The following RGS22 variants were observed in gnomAD, a reference collection of about 807,000 sequenced individuals.
RGS22 encodes the protein regulator of G-protein signaling 22.
In RGS22, 148 loss-of-function variants were observed where a neutral mutation model predicts 172.9. The observed-to-expected ratio is 0.86, with a 90% confidence interval of 0.75 to 0.98. The LOEUF (loss-of-function observed/expected upper bound fraction) is 0.98. RGS22 is among the 50% of genes least tolerant of loss of function. RGS22 has a pLI of 0.00. For synonymous variants in RGS22, 458 were observed against 480.2 expected, an observed-to-expected ratio of 0.95 and a Z score of 0.60; for missense variants, 1,347 against 1,440.8, an observed-to-expected ratio of 0.93 and a Z score of 1.05.
chr8:100,084,246 ACT>A (rs1242705408), intron 3 of RGS22, among the ~76,000 whole-genome samples: 1 of 151,804 alleles, frequency 6.6e-6, no homozygotes, highest in East Asian at 1.9e-4. Context: ...TATTTCTCAG[ACT>A]CCCTACAGCT....
intron 3 of RGS22, among the ~76,000 whole-genome samples, chr8:100,084,376 G>T (rs1234650331): frequency 1.3e-5 from 2 of 152,194 alleles, no homozygotes; most frequent in Non-Finnish European, 2.9e-5. Flanking sequence ...GAAAGTGTAT[G>T]TAAGCATGAA....
At chr8:100,018,201 G>A (rs927268652) in intron 14 of RGS22, among the ~76,000 whole-genome samples, 19 of 134,992 alleles carry the variant, frequency 1.4e-4, no homozygotes, top group Non-Finnish European at 2.8e-4. Flanking sequence ...TCACTTTCTT[G>A]GCATCTGTAT....
chr8:100,048,503 T>C (rs1820960248), intron 10 of RGS22, among the ~76,000 whole-genome samples: 1 of 152,134 alleles, frequency 6.6e-6, no homozygotes, highest in South Asian at 2.1e-4. Flanking sequence ...TAGAATACTA[T>C]ATACATTGCA....
intron 11 of RGS22, 94 bp from the exon 12 acceptor site, chr8:100,042,010 T>G: frequency 1.5e-6 from 1 of 678,444 alleles, no homozygotes; most frequent in Non-Finnish European, 2.6e-6. Flanking sequence ...TAGCACCGAA[T>G]CTCAAGAGTA....
At chr8:100,049,873 C>A (rs578137234) in intron 10 of RGS22, among the ~76,000 whole-genome samples, 1 of 151,832 alleles carries the variant, frequency 6.6e-6, no homozygotes, top group Non-Finnish European at 1.5e-5. Context: ...ATGGTGAAAT[C>A]CCATCTCTAC....
rs80315256 is a variant in RGS22, at chr8:100,036,957, A to C, written c.2166+1974T>G. On this transcript the variant is annotated intron_variant, in intron 14 of 27. Transcript: ENST00000360863. ...TTGTGCCATTGGCATTATCAATCCA[A>C]CGATCTAAATTGAAAATTTACCCCT... 6.1e-3 allele frequency among the ~76,000 whole-genome samples: 929 copies of C among 152,286 alleles called. 9 individuals carry two copies. The highest frequency in any genetic ancestry group is 0.037 in the Middle Eastern group (11 of 294).
chr8:99,961,475 T>C (rs1295392021), intron 27 of RGS22, among the ~76,000 whole-genome samples: 1 of 152,176 alleles, frequency 6.6e-6, no homozygotes, highest in East Asian at 1.9e-4. Flanking sequence ...CTTTTCCCCC[T>C]TTTGCTTGGC....
chr8:99,979,963 G>A (rs1254575515), intron 22 of RGS22, among the ~76,000 whole-genome samples: 1 of 152,186 alleles, frequency 6.6e-6, no homozygotes, highest in Non-Finnish European at 1.5e-5. Flanking sequence ...AGCAGTAAGG[G>A]CCACTTATGA....
intron 20 of RGS22, among the ~76,000 whole-genome samples, chr8:99,989,068 T>C (rs1199156761): frequency 6.6e-6 from 1 of 152,054 alleles, no homozygotes; most frequent in East Asian, 1.9e-4. Flanking sequence ...TTCCATTCTA[T>C]GTAATTTTCA....
At chr8:100,049,910 G>C (rs10099237) in intron 10 of RGS22, among the ~76,000 whole-genome samples, 33,276 of 151,832 alleles carry the variant, frequency 0.22, 4,272 homozygotes, top group African/African-American at 0.36. Context: ...TTAGCCAGGC[G>C]TGGTGGTGGG....
rs368568690 is a variant in RGS22, at chr8:100,105,391, T to C, written c.37A>G (p.Ile13Val). The part of the protein sequence containing the change: ...EKRLTAEPPT[I>V]TEEEFEDSLA... Reference sequence around the variant, plus strand: ...ATACTTACAAATTCTTCTTCTGTAATAGTTGGTGGCTCTGAAACAAGACAA... The same window carrying C: ...ATACTTACAAATTCTTCTTCTGTAACAGTTGGTGGCTCTGAAACAAGACAA... The change falls in exon 2 of 28, where the codon ATT (isoleucine) becomes GTT (valine). Residue 13 changes from isoleucine (I) to valine (V), a missense_variant. Physicochemically the swap from Ile to Val is conservative, Grantham distance 29. Coordinates refer to ENST00000360863, the MANE Select transcript of RGS22 (RefSeq NM_015668.5). 1.4e-5 allele frequency: 22 copies of C among 1,609,770 alleles called. No homozygotes were observed. Among genetic ancestry groups the C allele is most frequent in the Non-Finnish European group, 1.9e-5 (22 of 1,176,586 alleles).
chr8:99,977,971 T>A lies in RGS22; in HGVS notation c.3465A>T (p.Glu1155Asp). The change falls in exon 23 of 28, where the codon GAA becomes GAT. Residue 1155 changes from glutamate to aspartate, a missense_variant. Glu to Asp is a conservative substitution (Grantham distance 45). Coordinates refer to ENST00000360863, the MANE Select transcript of RGS22 (RefSeq NM_015668.5). ...NIMSVLERRQ[E>D]YNKQKKKLAV... ...CCAATTTTTTTTTCTGCTTATTATA[T>A]TCTTGTCTTCTCTCTAAAACACTCA... 1 of 1,564,448 alleles carries A rather than the reference T, an allele frequency of 6.4e-7. No homozygotes were observed. The highest frequency in any genetic ancestry group is 8.6e-7 in the Non-Finnish European group (1 of 1,163,252).
chr8:99,977,938 T>C lies in RGS22; in HGVS notation c.3498A>G (p.Leu1166=). 1.3e-6 allele frequency: 2 copies of C among 1,566,726 alleles called. No homozygotes were observed. Among genetic ancestry groups the C allele is most frequent in the South Asian group, 1.2e-5 (1 of 80,562 alleles). Residue 1166 remains leucine, a synonymous_variant, in exon 23 of 28, where the codon CTA becomes CTG. Coordinates refer to ENST00000360863, the MANE Select transcript of RGS22 (RefSeq NM_015668.5). ...YNKQKKKLAV[L]EDEKSGKDGI... Reference sequence around the variant, plus strand: ...TCACCTTTCCAGATTTTTCGTCTTCTAGGACTGCCAATTTTTTTTTCTGCT... The same window carrying C: ...TCACCTTTCCAGATTTTTCGTCTTCCAGGACTGCCAATTTTTTTTTCTGCT...
At chr8:100,035,541 G>T (rs1259389220) in intron 14 of RGS22, among the ~76,000 whole-genome samples, 1 of 152,168 alleles carries the variant, frequency 6.6e-6, no homozygotes, top group Non-Finnish European at 1.5e-5. Flanking sequence ...CCTTGTGGGG[G>T]ACAGTGTGGC....
rs112361121 is a variant in RGS22 at position 100,064,923 on chromosome 8, C to T, written c.725-880G>A. ...CTATCATTAAACTTACAAAATGGCA[C>T]GAGATACTTATGAAGGTTTACAAAG... On this transcript the variant is annotated intron_variant, in intron 7 of 27. Transcript: ENST00000360863. Among the ~76,000 whole-genome samples the T allele has an allele frequency of 5.7e-3, 862 of 152,198 alleles. 6 individuals are homozygous for T. Among genetic ancestry groups the T allele is most frequent in the African/African-American group, 0.018 (751 of 41,528 alleles).
At chr8:100,098,579 T>A (rs1247472775) in intron 2 of RGS22, among the ~76,000 whole-genome samples, 1 of 152,184 alleles carries the variant, frequency 6.6e-6, no homozygotes, top group Non-Finnish European at 1.5e-5. Context: ...GTTCATGCAA[T>A]GAGGAGCAAA....
rs771043124 is a variant in RGS22 at position 100,062,627 on chromosome 8, A to T, written c.1478T>A (p.Ile493Asn). 1 of 1,605,122 alleles carries T rather than the reference A, an allele frequency of 6.2e-7. No homozygotes were observed. Among genetic ancestry groups the T allele is most frequent in the East Asian group, 2.2e-5 (1 of 44,536 alleles). The change falls in exon 9 of 28, where the codon ATT becomes AAT. Residue 493 changes from isoleucine to asparagine, a missense_variant. Coordinates refer to ENST00000360863, the MANE Select transcript of RGS22 (RefSeq NM_015668.5). ...SQWNEEHLRN[I>N]QSEVLKPLLL... is the part of the protein sequence containing the mutation. ...TAAAGGTTTTAAAACTTCAGACTGA[A>T]TATTTCTTAAATGCTCTTCATTCCA... is the stretch of plus-strand genomic sequence containing the variant.
rs1815173307 is a variant in RGS22 at position 100,002,290 on chromosome 8, G to A, written c.2702C>T (p.Ala901Val). 1 of 1,611,728 alleles carries A rather than the reference G, an allele frequency of 6.2e-7. No individual in the cohort carries two copies. Among genetic ancestry groups the A allele is most frequent in the Non-Finnish European group, 8.5e-7 (1 of 1,179,010 alleles). ...TTTGTTTTTAATGTATATAGATTTT[G>A]CCTTCCTTTGATTTCGATCTCTGTA... ...ITYRDRNQRK[A>V]KSIYIKNKYL... Residue 901 changes from alanine (A) to valine (V), a missense_variant, in exon 18 of 28, where the codon GCA becomes GTA. Physicochemically the swap from Ala to Val is moderately conservative, Grantham distance 64. Coordinates refer to ENST00000360863, the MANE Select transcript of RGS22 (RefSeq NM_015668.5).
intron 23 of RGS22, among the ~76,000 whole-genome samples, chr8:99,967,702 G>T (rs913203414): frequency 6.6e-6 from 1 of 152,182 alleles, no homozygotes; most frequent in Non-Finnish European, 1.5e-5. Flanking sequence ...ACTGGGCAGG[G>T]CATCTCTGAA....
Sources: gnomAD v4.1 joint callset for allele counts (sites outside exome capture counted in the v4.1 genomes callset) on GRCh38, gnomAD v4.1.1 for gene constraint, MANE v1.5 for transcripts, NCBI Gene and HGNC (gene_info 2026-07-23, HGNC 2026-07-21) for gene names.